The following MACC1 variants were observed in gnomAD, a reference collection of about 807,000 sequenced individuals.
MACC1 encodes the protein MET transcriptional regulator MACC1.
In MACC1, 79 loss-of-function variants were observed where a neutral mutation model predicts 70.7. The observed-to-expected ratio is 1.12, with a 90% confidence interval of 0.93 to 1.35. The LOEUF is 1.35. MACC1 is among the 40% of genes most tolerant of loss of function. The pLI, the probability that MACC1 is intolerant of heterozygous loss-of-function variation, is 0.00. For synonymous variants in MACC1, 361 were observed against 347.2 expected (o/e 1.04, Z -0.44); for missense variants, 1,106 against 978.1 (o/e 1.13, Z -1.74).
chr7:20,202,410 G>A (rs531563846), intron 1 of MACC1, among the ~76,000 whole-genome samples: 5 of 152,268 alleles, frequency 3.3e-5, no homozygotes, highest in East Asian at 1.9e-4. Context: ...GTATTTGGAC[G>A]TAGAGCAAAG....
At chr7:20,205,595 T>A (rs1042975778) in intron 1 of MACC1, among the ~76,000 whole-genome samples, 8 of 152,316 alleles carry the variant, frequency 5.3e-5, no homozygotes, top group African/African-American at 1.9e-4. Context: ...GAAATAATAT[T>A]CTCCTTATTT....
chr7:20,175,880 T>A (rs1208712601), intron 1 of MACC1, among the ~76,000 whole-genome samples: 1 of 152,062 alleles, frequency 6.6e-6, no homozygotes, highest in Non-Finnish European at 1.5e-5. Flanking sequence ...ATAGCAAATA[T>A]AAAGCTGGAA....
At chr7:20,192,059 G>A (rs1307663502) in intron 1 of MACC1, among the ~76,000 whole-genome samples, 1 of 151,110 alleles carries the variant, frequency 6.6e-6, no homozygotes, top group East Asian at 1.9e-4. Context: ...ATAACTCTAA[G>A]TTAGTGACTT....
At position 20,160,173 on chromosome 7, in the gene MACC1, A is replaced by G; in HGVS notation, c.188T>C (p.Val63Ala). 2 of 1,610,846 alleles carry G rather than the reference A, an allele frequency of 1.2e-6. No individual in the cohort carries two copies. Among genetic ancestry groups the G allele is most frequent in the Non-Finnish European group, 1.7e-6 (2 of 1,179,194 alleles). ...CAGTTGATTCCAGAATGGATTTGCA[A>G]CTTTGGAAGCATTATTACCACGAAG... The part of the protein sequence containing the change: ...FTLRGNNASK[V>A]ANPFWNQLSA... The change falls in exon 5 of 7, where the codon GTT (valine) becomes GCT (alanine). Residue 63 changes from valine to alanine, a missense_variant. Coordinates refer to ENST00000400331, the MANE Select transcript of MACC1 (RefSeq NM_182762.4).
chr7:20,200,806 C>T (rs1237233902), intron 1 of MACC1, among the ~76,000 whole-genome samples: 1 of 152,168 alleles, frequency 6.6e-6, no homozygotes, highest in African/African-American at 2.4e-5. Context: ...TGCTTCCAGG[C>T]AGGGTGGATA....
intron 1 of MACC1, among the ~76,000 whole-genome samples, chr7:20,203,129 T>C (rs1243051803): frequency 6.6e-6 from 1 of 152,190 alleles, no homozygotes; most frequent in African/African-American, 2.4e-5. Flanking sequence ...CACTCTTAGA[T>C]TAAAATTAAA....
Position 20,159,161 on chromosome 7 carries a change from A to C in MACC1, c.1200T>G (p.Leu400=). The C allele has an allele frequency of 6.2e-7, 1 of 1,614,088 alleles. No homozygotes were observed. The change falls in exon 5 of 7, where the codon CTT becomes CTG. Residue 400 remains leucine, a synonymous_variant. Transcript: ENST00000400331. ...CACCCTTCTTAATATCAGAAATTGT[A>C]AGCTGTCCTGGCATATAATTGTGTC... ...VCGHNYMPGQ[L]TISDIKKGGK...
At chr7:20,209,291 C>T (rs1212612286) in intron 1 of MACC1, among the ~76,000 whole-genome samples, 2 of 152,234 alleles carry the variant, frequency 1.3e-5, no homozygotes, top group Non-Finnish European at 2.9e-5. Flanking sequence ...AAGCCACAGA[C>T]AATGCCAGCC....
chr7:20,188,656 T>C (rs1782625347), intron 1 of MACC1, among the ~76,000 whole-genome samples: 1 of 152,140 alleles, frequency 6.6e-6, no homozygotes, highest in Admixed American at 6.6e-5. Context: ...CTTCTCTCTC[T>C]CTCTAACACC....
intron 1 of MACC1, among the ~76,000 whole-genome samples, chr7:20,191,387 C>T (rs1036049123): frequency 6.6e-6 from 1 of 152,144 alleles, no homozygotes. Context: ...GGGTGCCAAG[C>T]AATAGGTGCT....
At chr7:20,211,066 G>C (rs978254866) in intron 1 of MACC1, among the ~76,000 whole-genome samples, 33 of 152,062 alleles carry the variant, frequency 2.2e-4, no homozygotes, top group East Asian at 7.7e-4. Context: ...ATAGTGTCTA[G>C]AGTCTAAACT....
At chr7:20,197,702 A>T (rs2128107850) in intron 1 of MACC1, among the ~76,000 whole-genome samples, 1 of 152,186 alleles carries the variant, frequency 6.6e-6, no homozygotes, top group East Asian at 1.9e-4. Flanking sequence ...TTTCAGACAA[A>T]CTCTGCATAG....
rs542254042 is a variant in MACC1, at chr7:20,197,458, G to A, written c.-218+19841C>T. 1.2e-4 allele frequency among the ~76,000 whole-genome samples: 19 copies of A among 152,278 alleles called. No individual in the cohort carries two copies. The South Asian group carries it at 3.3e-3, about 27-fold the overall frequency. On this transcript the variant is annotated intron_variant, in intron 1 of 6. Transcript: ENST00000400331. ...TAAACTTAGCCAAGATAACAATTTT[G>A]TGGAATCTTAGTGACTATTTGTTTT...
chr7:20,183,661 C>A (rs1201265427), intron 1 of MACC1, among the ~76,000 whole-genome samples: 1 of 151,622 alleles, frequency 6.6e-6, no homozygotes, highest in Non-Finnish European at 1.5e-5. Flanking sequence ...CTGTAATATC[C>A]TAATTCCAAC....
At chr7:20,151,938 A>G (rs1781985463) in intron 6 of MACC1, among the ~76,000 whole-genome samples, 1 of 152,176 alleles carries the variant, frequency 6.6e-6, no homozygotes, top group African/African-American at 2.4e-5. Context: ...TGCTCTAAAC[A>G]TGGTTCCAGG....
At position 20,139,191 on chromosome 7, in the gene MACC1, G is replaced by A. The variant is rs1041693077; in HGVS notation, c.*1755C>T. The A allele has an allele frequency of 6.6e-6, 1 of 152,184 alleles. No homozygotes were observed. The highest frequency in any genetic ancestry group is 1.5e-5 in the Non-Finnish European group (1 of 68,044). 9.4% of individuals were successfully genotyped at this position (152,184 alleles called of 1,614,324 possible). ...TTCTAGCAGCCTTAATGGCCCTAAT[G>A]TGGCTTCTTCTTGCTCCATCCTCAT... is the stretch of plus-strand genomic sequence containing the variant. On this transcript the variant is annotated 3_prime_UTR_variant, in exon 7 of 7. Transcript: ENST00000400331.
rs971535950 is a variant in MACC1 at position 20,159,500 on chromosome 7, C to A, written c.861G>T (p.Leu287Phe). The change falls in exon 5 of 7, where the codon TTG (leucine) becomes TTT (phenylalanine). Residue 287 changes from leucine (L) to phenylalanine (F), a missense_variant. Leu to Phe is a conservative substitution (Grantham distance 22). Transcript: ENST00000400331. ...LGNLNTMEAL[L>F]LEMKIGAEVR... ...CTTCAGCCCCAATTTTCATCTCCAG[C>A]AAAAGGGCTTCCATTGTATTGAGGT... 1 of 1,614,090 alleles carries A rather than the reference C, an allele frequency of 6.2e-7. No homozygotes were observed. Among genetic ancestry groups the A allele is most frequent in the Non-Finnish European group, 8.5e-7 (1 of 1,180,024 alleles).
chr7:20,214,674 T>C (rs1358341328), intron 1 of MACC1, among the ~76,000 whole-genome samples: 1 of 152,184 alleles, frequency 6.6e-6, no homozygotes, highest in East Asian at 1.9e-4. Flanking sequence ...CTGTGAGTGT[T>C]ATAAAGGAAG....
At chr7:20,175,124 A>T (rs898789912) in intron 1 of MACC1, among the ~76,000 whole-genome samples, 2 of 152,046 alleles carry the variant, frequency 1.3e-5, no homozygotes, top group African/African-American at 4.8e-5. Flanking sequence ...GAAAGATATC[A>T]TCTACTCTGA....
Sources: allele counts gnomAD v4.1 joint callset (sites outside exome capture counted in the v4.1 genomes callset), GRCh38; gene constraint gnomAD v4.1.1; transcripts MANE v1.5; gene names NCBI Gene and HGNC (gene_info 2026-07-23, HGNC 2026-07-21).